Variants in PTPN21 observed in about 807,000 individuals in gnomAD.
PTPN21 encodes protein tyrosine phosphatase non-receptor type 21, also known as tyrosine-protein phosphatase non-receptor type 21.
In PTPN21, 77 loss-of-function variants were observed where a neutral mutation model predicts 131.8. That is an observed-to-expected ratio of 0.58 (90% CI 0.49 to 0.71). PTPN21 has a LOEUF of 0.71. Among genes scored for constraint, PTPN21 ranks in the 30% least tolerant of loss-of-function variants. PTPN21 has a pLI of 0.00. For missense variants in PTPN21, 1,552 were observed against 1,527.1 expected, an observed-to-expected ratio of 1.02 and a Z score of -0.27; for synonymous variants, 715 against 621.3, an observed-to-expected ratio of 1.15 and a Z score of -2.24.
At chr14:88,507,537 C>T (rs1233080967) in intron 4 of PTPN21, among the ~76,000 whole-genome samples, 3 of 152,116 alleles carry the variant, frequency 2.0e-5, no homozygotes, top group African/African-American at 7.2e-5. Flanking sequence ...ATTTGTGTAT[C>T]TAAACACAGA....
At chr14:88,508,679 G>T (rs1397055427) in intron 3 of PTPN21, among the ~76,000 whole-genome samples, 1 of 152,276 alleles carries the variant, frequency 6.6e-6, no homozygotes, top group African/African-American at 2.4e-5. Flanking sequence ...ACTCTGACTA[G>T]TAACTTAGTA....
chr14:88,520,289 T>C (rs2078369309), intron 2 of PTPN21, among the ~76,000 whole-genome samples: 1 of 152,078 alleles, frequency 6.6e-6, no homozygotes, highest in Non-Finnish European at 1.5e-5. Flanking sequence ...TGGTAGCGTG[T>C]GCCTGTAGTC....
At chr14:88,551,908 A>G (rs1047551308) in intron 1 of PTPN21, 1 of 152,280 alleles carries the variant, frequency 6.6e-6, no homozygotes, top group African/African-American at 2.4e-5. Flanking sequence ...TTTTTATATC[A>G]GCTGGATTAG....
intron 10 of PTPN21, among the ~76,000 whole-genome samples, chr14:88,487,813 C>T (rs1292795474): frequency 6.6e-6 from 1 of 151,782 alleles, no homozygotes; most frequent in Non-Finnish European, 1.5e-5. Flanking sequence ...TTAGTGCCCA[C>T]AAATTAGCCA....
At chr14:88,529,390 T>A (rs1193545548) in intron 2 of PTPN21, among the ~76,000 whole-genome samples, 1 of 152,158 alleles carries the variant, frequency 6.6e-6, no homozygotes, top group Non-Finnish European at 1.5e-5. Flanking sequence ...TTGAGAATTT[T>A]TGCATCTATG....
chr14:88,522,063 T>G (rs929886675), intron 2 of PTPN21, among the ~76,000 whole-genome samples: 1 of 152,164 alleles, frequency 6.6e-6, no homozygotes, highest in Admixed American at 6.5e-5. Context: ...CATAATTAGT[T>G]TTTCACAAAT....
At chr14:88,549,186 G>A (rs538313151) in intron 2 of PTPN21, among the ~76,000 whole-genome samples, 11 of 152,168 alleles carry the variant, frequency 7.2e-5, no homozygotes, top group East Asian at 3.8e-4. Flanking sequence ...TGCCTATCGC[G>A]GGAGGATCGC....
Position 88,468,132 on chromosome 14 carries a change from G to A in PTPN21, c.*5C>T. The A allele has an allele frequency of 6.2e-7, 1 of 1,613,964 alleles. No homozygotes were observed. The highest frequency in any genetic ancestry group is 8.5e-7 in the Non-Finnish European group (1 of 1,179,876). ...ATGACTGGCCCCGTAAGAAATTGTG[G>A]GAGCTTAGATGAGCCTGGAGCTTTT... On this transcript the variant is annotated 3_prime_UTR_variant, in exon 19 of 19. Transcript: ENST00000556564.
intron 18 of PTPN21, 29 bp from the exon 19 acceptor site, chr14:88,468,294 A>T: frequency 6.4e-7 from 1 of 1,573,226 alleles, no homozygotes; most frequent in Non-Finnish European, 8.6e-7. Flanking sequence ...TAATGAAGAT[A>T]ATGTGTTCCC....
intron 13 of PTPN21, among the ~76,000 whole-genome samples, chr14:88,477,446 TAAAAAAAAA>T (rs59381948): frequency 7.9e-5 from 6 of 76,382 alleles, no homozygotes; most frequent in East Asian, 5.0e-4. Context: ...AAGACTGTTC[TAAAAAAAAA>T]AAAAAAAAAA....
intron 2 of PTPN21, among the ~76,000 whole-genome samples, chr14:88,528,705 T>A (rs962919062): frequency 6.6e-6 from 1 of 152,236 alleles, no homozygotes; most frequent in Non-Finnish European, 1.5e-5. Context: ...TCTGCCACCA[T>A]GTGAGACGTG....
chr14:88,550,170 T>G (rs912860495), intron 2 of PTPN21, 68 bp downstream of exon 2: 41 of 1,493,904 alleles, frequency 2.7e-5, no homozygotes, highest in Admixed American at 1.8e-4. Flanking sequence ...AGCCTCGGCC[T>G]CTCAAAGTGC....
Position 88,468,201 on chromosome 14 carries a change from A to T in PTPN21, c.3461T>A (p.Leu1154His). 6.2e-7 allele frequency: 1 copy of T among 1,612,470 alleles called. No individual in the cohort carries two copies. The highest frequency in any genetic ancestry group is 1.1e-5 in the South Asian group (1 of 90,966). ...RQQRMMLVQTLCQYTFVYRVL... is the reference protein window; with the variant it reads ...RQQRMMLVQTHCQYTFVYRVL... ...TCTGTACACAAATGTGTACTGGCAG[A>T]GAGTCTGCACCAGCATCATTCTCTG... The change falls in exon 19 of 19, where the codon CTC becomes CAC. Residue 1154 changes from leucine to histidine, a missense_variant. Coordinates refer to ENST00000556564, the MANE Select transcript of PTPN21 (RefSeq NM_007039.4).
intron 4 of PTPN21, among the ~76,000 whole-genome samples, chr14:88,506,388 G>A (rs2078087741): frequency 6.6e-6 from 1 of 151,854 alleles, no homozygotes; most frequent in Admixed American, 6.6e-5. Flanking sequence ...TATCAGACAT[G>A]TAAAAATGAA....
At chr14:88,493,421 G>A (rs2077854647) in intron 10 of PTPN21, among the ~76,000 whole-genome samples, 1 of 152,156 alleles carries the variant, frequency 6.6e-6, no homozygotes, top group Non-Finnish European at 1.5e-5. Context: ...TGGGCTGGGG[G>A]CATTCACATG....
intron 2 of PTPN21, among the ~76,000 whole-genome samples, chr14:88,534,190 G>A (rs1226056403): frequency 2.0e-5 from 3 of 150,228 alleles, no homozygotes; most frequent in Non-Finnish European, 4.4e-5. Flanking sequence ...CCTGGCCAAC[G>A]CGGCAAAAAC....
intron 2 of PTPN21, among the ~76,000 whole-genome samples, chr14:88,526,512 T>C (rs2078478559): frequency 8.8e-6 from 1 of 114,046 alleles, no homozygotes. Context: ...ATCACACCAC[T>C]GCCCTTCAGC....
intron 8 of PTPN21, among the ~76,000 whole-genome samples, chr14:88,498,970 TA>T (rs1439357065): frequency 6.6e-6 from 1 of 152,208 alleles, no homozygotes; most frequent in African/African-American, 2.4e-5. Context: ...TTGTTAAATC[TA>T]AAGATTATTA....
At chr14:88,473,847 AC>A in intron 13 of PTPN21, 45 bp from the exon 14 acceptor site, 1 of 1,528,422 alleles carries the variant, frequency 6.5e-7, no homozygotes, top group East Asian at 2.3e-5. Flanking sequence ...CACAAATACA[AC>A]CCCTGTGAAA....
Sources: allele counts gnomAD v4.1 joint callset (sites outside exome capture counted in the v4.1 genomes callset), GRCh38; gene constraint gnomAD v4.1.1; transcripts MANE v1.5; gene names NCBI Gene and HGNC (gene_info 2026-07-23, HGNC 2026-07-21).